The following DLGAP2 variants were observed in gnomAD, a reference collection of about 807,000 sequenced individuals.
The protein encoded by DLGAP2 is disks large-associated protein 2.
Under a neutral mutation model 100.3 loss-of-function variants are expected in DLGAP2, and 26 were observed. The observed-to-expected ratio is 0.26, with a 90% CI of 0.19 to 0.36. The LOEUF (loss-of-function observed/expected upper bound fraction) is 0.36. Among genes scored for constraint, DLGAP2 ranks in the 10% least tolerant of loss-of-function variants. DLGAP2 has a pLI of 1.00. For missense variants in DLGAP2, 1,858 were observed against 1,453.2 expected, an observed-to-expected ratio of 1.28 and a Z score of -4.53; for synonymous variants, 886 against 630.1, an observed-to-expected ratio of 1.41 and a Z score of -6.08.
At chr8:1,322,470 G>C (rs988420693) in intron 3 of DLGAP2, among the ~76,000 whole-genome samples, 1 of 149,904 alleles carries the variant, frequency 6.7e-6, no homozygotes, top group African/African-American at 2.5e-5. Context: ...GCGTGCACCC[G>C]CCCAGCATGC....
intron 1 of DLGAP2, among the ~76,000 whole-genome samples, chr8:784,544 A>T (rs779223865): frequency 3.3e-5 from 5 of 152,270 alleles, no homozygotes; most frequent in Non-Finnish European, 7.3e-5. Context: ...GGCTGGTATC[A>T]AGTTGATATG....
At chr8:1,087,769 T>C (rs773693964) in intron 2 of DLGAP2, among the ~76,000 whole-genome samples, 1 of 152,228 alleles carries the variant, frequency 6.6e-6, no homozygotes. Flanking sequence ...TAACAACCCA[T>C]GTCAAAACAG....
At chr8:1,021,181 C>T (rs889732477) in intron 2 of DLGAP2, among the ~76,000 whole-genome samples, 4 of 152,140 alleles carry the variant, frequency 2.6e-5, no homozygotes, top group African/African-American at 9.7e-5. Flanking sequence ...AGTGATATAG[C>T]TTAAATATCT....
At chr8:916,877 C>T (rs796561133) in intron 2 of DLGAP2, among the ~76,000 whole-genome samples, 18 of 152,218 alleles carry the variant, frequency 1.2e-4, no homozygotes, top group South Asian at 4.1e-4. Flanking sequence ...TAGAGAGCTG[C>T]GTTGAGACCA....
intron 14 of DLGAP2, among the ~76,000 whole-genome samples, chr8:1,699,449 CAA>C (rs35226030): frequency 1.1e-4 from 14 of 128,570 alleles, no homozygotes; most frequent in African/African-American, 2.9e-4. Flanking sequence ...ATTAAAAATA[CAA>C]AAAAAAAAAA....
chr8:787,943 C>T (rs143516046), intron 1 of DLGAP2, among the ~76,000 whole-genome samples: 7 of 152,226 alleles, frequency 4.6e-5, no homozygotes, highest in Middle Eastern at 6.8e-3. Context: ...TGGTGGCATT[C>T]CAGGTCTGGC....
intron 2 of DLGAP2, among the ~76,000 whole-genome samples, chr8:1,157,345 G>A (rs1035386650): frequency 1.3e-4 from 20 of 152,274 alleles, no homozygotes; most frequent in Non-Finnish European, 8.8e-5. Context: ...TTCCAGCGAC[G>A]ACGGCCCTCA....
chr8:1,201,453 G>T (rs1321682419), intron 2 of DLGAP2, among the ~76,000 whole-genome samples: 1 of 152,178 alleles, frequency 6.6e-6, no homozygotes, highest in Non-Finnish European at 1.5e-5. Flanking sequence ...GACCTGGAAG[G>T]GGAGGAAGAT....
intron 6 of DLGAP2, among the ~76,000 whole-genome samples, chr8:1,569,138 C>A (rs1270457880): frequency 6.7e-6 from 1 of 149,856 alleles, no homozygotes; most frequent in African/African-American, 2.5e-5. Context: ...TCCACTCTGC[C>A]CGTGGCCCCC....
chr8:1,478,531 A>G (rs899290400), intron 3 of DLGAP2, among the ~76,000 whole-genome samples: 15 of 152,160 alleles, frequency 9.9e-5, no homozygotes, highest in Admixed American at 3.9e-4. Context: ...TCCTCTCTCC[A>G]TCGACACCAT....
At chr8:1,061,436 G>A (rs776389865) in intron 2 of DLGAP2, among the ~76,000 whole-genome samples, 1 of 152,016 alleles carries the variant, frequency 6.6e-6, no homozygotes, top group Admixed American at 6.6e-5. Flanking sequence ...GGAAAACCAC[G>A]CTGCCAGTTA....
chr8:1,476,909 C>T (rs186504590), intron 3 of DLGAP2, among the ~76,000 whole-genome samples: 8 of 152,240 alleles, frequency 5.3e-5, no homozygotes, highest in East Asian at 1.9e-4. Flanking sequence ...CAGACCCACC[C>T]GTGATGGCTG....
intron 3 of DLGAP2, among the ~76,000 whole-genome samples, chr8:1,494,243 G>C (rs1033412286): frequency 6.6e-6 from 1 of 152,232 alleles, no homozygotes. Flanking sequence ...GTGTGAACCT[G>C]GTTTTTCCTT....
chr8:1,530,990 A>T (rs1422445010), intron 4 of DLGAP2, among the ~76,000 whole-genome samples: 3 of 152,254 alleles, frequency 2.0e-5, no homozygotes, highest in Non-Finnish European at 2.9e-5. Context: ...ATAAATGGTT[A>T]GGTACAAAAA....
Position 1,703,226 on chromosome 8 carries a change from A to G in DLGAP2, c.*1820A>G, listed in dbSNP as rs1200185670. On this transcript the variant is annotated 3_prime_UTR_variant, in exon 15 of 15. Coordinates refer to ENST00000637795, the MANE Select transcript of DLGAP2 (RefSeq NM_001346810.2). ...CTGTAAATTGAGCCTCATGTCTGGT[A>G]TATATTTTACCAAACAGCCTTAAAA... 2 of 152,606 alleles carry G rather than the reference A, an allele frequency of 1.3e-5. No individual in the cohort carries two copies. Among genetic ancestry groups the G allele is most frequent in the South Asian group, 2.1e-4 (1 of 4,830 alleles). The allele number at this position is 152,606 out of a possible 1,614,324, so 9.5% of individuals were successfully genotyped here.
At chr8:979,065 C>T (rs1055311683) in intron 2 of DLGAP2, among the ~76,000 whole-genome samples, 6 of 152,106 alleles carry the variant, frequency 3.9e-5, no homozygotes, top group East Asian at 1.9e-4. Flanking sequence ...GCATGCAGTC[C>T]GAATGCTAGC....
intron 2 of DLGAP2, chr8:1,104,800 C>T (rs73670440): frequency 0.029 from 4,439 of 152,338 alleles, 194 homozygotes; most frequent in African/African-American, 0.1. Context: ...ACCACTCGCA[C>T]CTGCTGTTGG....
intron 1 of DLGAP2, among the ~76,000 whole-genome samples, chr8:890,135 C>T (rs1200635877): frequency 6.6e-6 from 1 of 152,122 alleles, no homozygotes; most frequent in Non-Finnish European, 1.5e-5. Context: ...GAAGGATTCA[C>T]ATGCTTATTT....
At chr8:1,051,393 A>G (rs1802707390) in intron 2 of DLGAP2, among the ~76,000 whole-genome samples, 1 of 152,082 alleles carries the variant, frequency 6.6e-6, no homozygotes, top group African/African-American at 2.4e-5. Context: ...GAATGATCCA[A>G]TACCGTCAGC....
Sources: gnomAD v4.1 joint callset for allele counts (sites outside exome capture counted in the v4.1 genomes callset) on GRCh38, gnomAD v4.1.1 for gene constraint, MANE v1.5 for transcripts, NCBI Gene and HGNC (gene_info 2026-07-23, HGNC 2026-07-21) for gene names.